Variants in GLP2R observed in about 807,000 individuals in gnomAD.
GLP2R encodes glucagon-like peptide 2 receptor.
A neutral mutation model predicts 68.2 loss-of-function variants in GLP2R; 59 were observed. The observed-to-expected ratio is 0.87, with a 90% CI of 0.70 to 1.07. The LOEUF is 1.07. GLP2R is among the 50% of genes least tolerant of loss of function. GLP2R has a pLI of 0.00. For missense variants in GLP2R, 548 were observed against 677.4 expected, an observed-to-expected ratio of 0.81 and a Z score of 2.12; for synonymous variants, 270 against 265.4, an observed-to-expected ratio of 1.02 and a Z score of -0.17.
rs2066993895 is a variant in GLP2R, at chr17:9,862,213, A to G, written c.1056+123A>G. On this transcript the variant is annotated intron_variant, in intron 9 of 12. Transcript: ENST00000262441. ...CTTGAGAGAGAGAAGCTGAACTATG[A>G]GCATTTTCTGCTGAATGAGAAGTTA... 5.0e-5 allele frequency: 36 copies of G among 716,182 alleles called. No individual in the cohort carries two copies. In the South Asian group the frequency reaches 5.9e-4, roughly 12 times the overall value. 44.4% of individuals were successfully genotyped at this position (716,182 alleles called of 1,614,324 possible).
intron 4 of GLP2R, among the ~76,000 whole-genome samples, chr17:9,847,245 C>T (rs2081531802): frequency 6.6e-6 from 1 of 152,028 alleles, no homozygotes; most frequent in African/African-American, 2.4e-5. Flanking sequence ...ATAATTTATT[C>T]ATTGTAAATT....
chr17:9,877,543 G>C (rs1361138489), intron 10 of GLP2R, among the ~76,000 whole-genome samples: 1 of 152,146 alleles, frequency 6.6e-6, no homozygotes, highest in Non-Finnish European at 1.5e-5. Flanking sequence ...GTAATATACC[G>C]TGTTGGTTTC....
intron 10 of GLP2R, among the ~76,000 whole-genome samples, chr17:9,872,441 G>A (rs1241654534): frequency 6.6e-6 from 1 of 152,146 alleles, no homozygotes; most frequent in African/African-American, 2.4e-5. Context: ...GCTGGGTGTG[G>A]TGGTGTGTGC....
chr17:9,880,558 A>T, intron 11 of GLP2R, 42 bp downstream of exon 11: 1 of 1,417,020 alleles, frequency 7.1e-7, no homozygotes, highest in Middle Eastern at 1.8e-4. Flanking sequence ...CTTTGGAGAA[A>T]ACAAAATGCA....
rs377165433 is a variant in GLP2R, at chr17:9,831,726, T to C, written c.190-2081T>C. On this transcript the variant is annotated intron_variant, in intron 1 of 12. Coordinates refer to ENST00000262441, the MANE Select transcript of GLP2R (RefSeq NM_004246.3). Reference sequence around the variant, plus strand: ...GAAGACTGTAGGCAGGAGAGCCCTGTGCTCAGCTCTGGCCTGTTCTCCTGT... The same window carrying C: ...GAAGACTGTAGGCAGGAGAGCCCTGCGCTCAGCTCTGGCCTGTTCTCCTGT... Among the ~76,000 whole-genome samples the C allele has an allele frequency of 3.9e-5, 6 of 152,284 alleles. No individual in the cohort carries two copies. In the East Asian group the frequency reaches 9.6e-4, roughly 24 times the overall value.
chr17:9,863,051 G>A (rs111334618), intron 9 of GLP2R, among the ~76,000 whole-genome samples: 137 of 152,312 alleles, frequency 9.0e-4, no homozygotes, highest in African/African-American at 3.0e-3. Context: ...GGACAGGCCT[G>A]TGTCATCTCT....
At chr17:9,841,134 A>T (rs1367221699) in intron 3 of GLP2R, among the ~76,000 whole-genome samples, 1 of 150,870 alleles carries the variant, frequency 6.6e-6, no homozygotes, top group Non-Finnish European at 1.5e-5. Context: ...CTCCTGCCTC[A>T]GCCTCCCTAG....
intron 2 of GLP2R, among the ~76,000 whole-genome samples, chr17:9,836,141 G>T (rs149995207): frequency 6.6e-6 from 1 of 152,048 alleles, no homozygotes; most frequent in Non-Finnish European, 1.5e-5. Context: ...CGGAGGTCAA[G>T]TTGGGCAGAC....
chr17:9,877,456 T>C (rs1344417287), intron 10 of GLP2R, among the ~76,000 whole-genome samples: 1 of 152,182 alleles, frequency 6.6e-6, no homozygotes, highest in Admixed American at 6.5e-5. Flanking sequence ...CATTCTGTAC[T>C]AAACGAAATG....
intron 9 of GLP2R, among the ~76,000 whole-genome samples, chr17:9,870,417 C>CCGA (rs2067081394): frequency 1.3e-5 from 2 of 152,292 alleles, no homozygotes; most frequent in South Asian, 4.1e-4. Flanking sequence ...ATGTGAACGT[C>CCGA]CACCTGCCTT....
At chr17:9,872,905 A>G (rs549381339) in intron 10 of GLP2R, among the ~76,000 whole-genome samples, 1 of 152,322 alleles carries the variant, frequency 6.6e-6, no homozygotes, top group South Asian at 2.1e-4. Flanking sequence ...ACCCGGTTCA[A>G]TAATGGGCAG....
chr17:9,859,490 G>T (rs1212777855), intron 6 of GLP2R, among the ~76,000 whole-genome samples: 1 of 151,974 alleles, frequency 6.6e-6, no homozygotes, highest in Non-Finnish European at 1.5e-5. Context: ...GTCTGGGAGA[G>T]AACAGAGTAA....
intron 10 of GLP2R, among the ~76,000 whole-genome samples, chr17:9,877,504 T>C (rs896839876): frequency 6.6e-6 from 1 of 152,156 alleles, no homozygotes; most frequent in Non-Finnish European, 1.5e-5. Flanking sequence ...TAGCGGGAAA[T>C]CCACATAAAC....
intron 11 of GLP2R, among the ~76,000 whole-genome samples, chr17:9,887,353 C>G (rs924705560): frequency 3.3e-5 from 5 of 152,108 alleles, no homozygotes; most frequent in African/African-American, 1.2e-4. Flanking sequence ...ATGGTGAAAC[C>G]CCGTCTGTAC....
chr17:9,846,437 G>A (rs974358330), intron 4 of GLP2R, among the ~76,000 whole-genome samples: 5 of 152,096 alleles, frequency 3.3e-5, no homozygotes, highest in South Asian at 2.1e-4. Flanking sequence ...GCAACACGGC[G>A]AAACCCCATC....
chr17:9,828,429 A>G (rs1438327572), intron 1 of GLP2R, among the ~76,000 whole-genome samples: 1 of 152,214 alleles, frequency 6.6e-6, no homozygotes, highest in Non-Finnish European at 1.5e-5. Flanking sequence ...GAGTGAGTGT[A>G]TCCAGCTTAT....
intron 10 of GLP2R, among the ~76,000 whole-genome samples, chr17:9,879,567 G>C (rs1404304515): frequency 6.6e-6 from 1 of 151,954 alleles, no homozygotes; most frequent in Non-Finnish European, 1.5e-5. Context: ...CTGAGGCCCA[G>C]GAAACTATAT....
chr17:9,838,630 CT>C (rs201793798), intron 3 of GLP2R, among the ~76,000 whole-genome samples: 108 of 151,690 alleles, frequency 7.1e-4, no homozygotes, highest in Admixed American at 1.9e-3. Flanking sequence ...ATTAAAGCCT[CT>C]TTAAAAAAAA....
intron 4 of GLP2R, among the ~76,000 whole-genome samples, chr17:9,844,164 G>C (rs1002091669): frequency 2.0e-5 from 3 of 152,212 alleles, no homozygotes; most frequent in African/African-American, 4.8e-5. Flanking sequence ...GGCAGGTGAG[G>C]TAGGGCCTGA....
Sources: allele counts gnomAD v4.1 joint callset (sites outside exome capture counted in the v4.1 genomes callset), GRCh38; gene constraint gnomAD v4.1.1; transcripts MANE v1.5; gene names NCBI Gene and HGNC (gene_info 2026-07-23, HGNC 2026-07-21).